The following C16orf96 variants were observed in gnomAD, a reference collection of about 807,000 sequenced individuals.
C16orf96 encodes uncharacterized protein C16orf96.
Under a neutral mutation model 103.6 loss-of-function variants are expected in C16orf96, and 108 were observed. The observed-to-expected ratio is 1.04, with a 90% CI of 0.89 to 1.22. The LOEUF is 1.22. C16orf96 is among the 50% of genes most tolerant of loss of function. The pLI, the probability that C16orf96 is intolerant of heterozygous loss-of-function variation, is 0.00. For missense variants in C16orf96, 1,586 were observed against 1,464.2 expected, an observed-to-expected ratio of 1.08 and a Z score of -1.36; for synonymous variants, 566 against 593.5, an observed-to-expected ratio of 0.95 and a Z score of 0.67.
chr16:4,559,117 C>T (rs191702672), intron 1 of C16orf96, among the ~76,000 whole-genome samples: 9 of 152,056 alleles, frequency 5.9e-5, no homozygotes, highest in Non-Finnish European at 1.2e-4. Context: ...GACTGCCTTC[C>T]TATCCCTGGA....
chr16:4,578,794 TA>T (rs982469278), intron 5 of C16orf96, 145 bp from the exon 6 acceptor site: 6 of 462,744 alleles, frequency 1.3e-5, no homozygotes, highest in African/African-American at 9.8e-5. Flanking sequence ...AAGAAATAAA[TA>T]AAAAGGTACC....
intron 1 of C16orf96, among the ~76,000 whole-genome samples, chr16:4,569,472 G>T (rs986603556): frequency 3.5e-4 from 53 of 151,898 alleles, no homozygotes; most frequent in African/African-American, 1.2e-3. Context: ...GCAAAGAGAG[G>T]CCTGGTGAGT....
In C16orf96 at chr16:4,599,187, G is replaced by A. The variant is rs576052199; in HGVS notation, c.3128-97G>A. ...ACCGGGGAGCCTGGGAAATGGGGTTGGTCCCACCAGAGGGAGACTGCCCAG... is the reference window on the plus strand; with the variant it reads ...ACCGGGGAGCCTGGGAAATGGGGTTAGTCCCACCAGAGGGAGACTGCCCAG... On this transcript the variant is annotated intron_variant, in intron 14 of 15. Coordinates refer to ENST00000444310, the MANE Select transcript of C16orf96 (RefSeq NM_001145011.2). 6 of 989,710 alleles carry A rather than the reference G, an allele frequency of 6.1e-6. No homozygotes were observed. In the East Asian group the frequency reaches 1.3e-4, roughly 22 times the overall value. 61.3% of individuals were successfully genotyped at this position (989,710 alleles called of 1,614,324 possible). A position where few individuals can be genotyped will look rare whatever the true frequency, so the allele number is the denominator to read the frequency against.
At chr16:4,567,137 C>T (rs138861456) in intron 1 of C16orf96, among the ~76,000 whole-genome samples, 1 of 152,174 alleles carries the variant, frequency 6.6e-6, no homozygotes, top group African/African-American at 2.4e-5. Flanking sequence ...TAGTCACTTA[C>T]AACAATAAGT....
At chr16:4,551,275 A>T in the C16orf96 span, among the ~76,000 whole-genome samples, 1 of 152,186 alleles carries the variant, frequency 6.6e-6, no homozygotes, top group Non-Finnish European at 1.5e-5. Flanking sequence ...CTCAAAAAAA[A>T]GAAGTGCCCA....
Position 4,556,391 on chromosome 16 carries a change from CT to C in C16orf96, c.-98del, listed in dbSNP as rs2059262444. 3 of 1,282,286 alleles carry C rather than the reference CT, an allele frequency of 2.3e-6. No individual in the cohort carries two copies. In the East Asian group the frequency reaches 7.7e-5, roughly 33 times the overall value. The allele number at this position is 1,282,286 out of a possible 1,614,324, so 79.4% of individuals were successfully genotyped here. A position where few individuals can be genotyped will look rare whatever the true frequency, so the allele number is the denominator to read the frequency against. On this transcript the variant is annotated 5_prime_UTR_variant, in exon 1 of 16. Transcript: ENST00000444310. ...GCTGTGACTCACCACCACCCCAGGC[CT>C]CTGAGGACCAGTCCATGTAGCTCTC...
intron 6 of C16orf96, among the ~76,000 whole-genome samples, chr16:4,579,460 G>A (rs1474354175): frequency 1.3e-5 from 2 of 151,214 alleles, no homozygotes; most frequent in Non-Finnish European, 2.9e-5. Context: ...AGGCTGAGGT[G>A]GGAGGATCAC....
chr16:4,547,689 C>CTTCCTTCCTTCCTTTCTTTCTTTCTTTCT, the C16orf96 span, among the ~76,000 whole-genome samples: 2 of 22,574 alleles, frequency 8.9e-5, no homozygotes, highest in African/African-American at 2.1e-4. Context: ...TCCTTCCTTC[C>CTTCCTTCCTTCCTTTCTTTCTTTCTTTCT]TTCTTTCTTT....
rs60726283 is a variant in C16orf96, at chr16:4,585,312, A to AG, written c.2353-1727_2353-1726insG. On this transcript the variant is annotated intron_variant, in intron 7 of 15. Transcript: ENST00000444310. ...TCTACAAAAAAAAAAAAAAAAAAAA[A>AG]TCCAGGTAGGTGGTGTCACCTGCAG... is the stretch of plus-strand genomic sequence containing the variant. Among the ~76,000 whole-genome samples, 1,080 of 109,894 alleles carry AG rather than the reference A, an allele frequency of 9.8e-3. 118 individuals are homozygous for AG. The highest frequency in any genetic ancestry group is 0.028 in the African/African-American group (795 of 28,822). 72.1% of individuals were successfully genotyped at this position (109,894 alleles called of 152,430 possible).
the C16orf96 span, among the ~76,000 whole-genome samples, chr16:4,550,049 C>A: frequency 2.0e-5 from 3 of 151,304 alleles, no homozygotes; most frequent in African/African-American, 7.3e-5. Flanking sequence ...GTTTCTGTAT[C>A]TTCTGTTATT....
rs1897115406 is a variant in C16orf96, at chr16:4,593,985, G to A, written c.2868-366G>A. Reference sequence around the variant, plus strand: ...GCTGTGGGGACGTCTGGCCAGGTGGGGGAAGAACCGGTGAATCGTCACCAC... The same window carrying A: ...GCTGTGGGGACGTCTGGCCAGGTGGAGGAAGAACCGGTGAATCGTCACCAC... On this transcript the variant is annotated intron_variant, in intron 12 of 15. Coordinates refer to ENST00000444310, the MANE Select transcript of C16orf96 (RefSeq NM_001145011.2). This position sits in a 1 kb window ranked among gnomAD's most constrained non-coding sequence, Gnocchi z 4.2. Among the ~76,000 whole-genome samples, 1 of 152,174 alleles carries A rather than the reference G, an allele frequency of 6.6e-6. No individual in the cohort carries two copies. Among genetic ancestry groups the A allele is most frequent in the Admixed American group, 6.5e-5 (1 of 15,276 alleles).
chr16:4,591,616 G>A (rs757455046), intron 9 of C16orf96, 50 bp from the exon 10 acceptor site: 118 of 1,427,472 alleles, frequency 8.3e-5, no homozygotes, highest in African/African-American at 7.1e-4. Context: ...AGGAGGCAGG[G>A]TGTGAATTCA....
At chr16:4,577,218 C>T (rs896126658) in intron 5 of C16orf96, among the ~76,000 whole-genome samples, 1 of 151,950 alleles carries the variant, frequency 6.6e-6, no homozygotes, top group Admixed American at 6.6e-5. Flanking sequence ...AAAAAAACTC[C>T]TTTGTGATAG....
rs1422778638 is a variant in C16orf96 at position 4,574,750 on chromosome 16, A to C, written c.567A>C (p.Lys189Asn). ...TGGACATCTTTGCTGAAGACTTCAAAATACAGAACTGGAAGATGGTTGCAC... is the reference window on the plus strand; with the variant it reads ...TGGACATCTTTGCTGAAGACTTCAACATACAGAACTGGAAGATGGTTGCAC... ...ERMDIFAEDF[K>N]IQNWKMVALQ... Residue 189 changes from lysine (K) to asparagine (N), a missense_variant, in exon 3 of 16, where the codon AAA (lysine) becomes AAC (asparagine). Lys to Asn is a moderately conservative substitution (Grantham distance 94). Coordinates refer to ENST00000444310, the MANE Select transcript of C16orf96 (RefSeq NM_001145011.2). 6.4e-7 allele frequency: 1 copy of C among 1,551,888 alleles called. No homozygotes were observed. The highest frequency in any genetic ancestry group is 1.4e-5 in the African/African-American group (1 of 73,162).
Position 4,591,687 on chromosome 16 carries a change from C to A in C16orf96, c.2614C>A (p.Pro872Thr), listed in dbSNP as rs1322712222. Residue 872 changes from proline (P) to threonine (T), a missense_variant, in exon 10 of 16, where the codon CCC becomes ACC. Physicochemically the swap from Pro to Thr is conservative, Grantham distance 38. Transcript: ENST00000444310. Reference sequence around the variant, plus strand: ...GCAGTTAGTCCACAGTGATCTGGATCCCTTGAAGAAAGAAATGGAAGAGGT... The same window carrying A: ...GCAGTTAGTCCACAGTGATCTGGATACCTTGAAGAAAGAAATGGAAGAGGT... ...NTKLVHSDLD[P>T]LKKEMEEVWK... 6 of 1,551,548 alleles carry A rather than the reference C, an allele frequency of 3.9e-6. No individual in the cohort carries two copies. The highest frequency in any genetic ancestry group is 5.2e-6 in the Non-Finnish European group (6 of 1,146,900).
At chr16:4,572,706 A>T (rs1253548119) in intron 2 of C16orf96, among the ~76,000 whole-genome samples, 1 of 152,146 alleles carries the variant, frequency 6.6e-6, no homozygotes, top group Non-Finnish European at 1.5e-5. Context: ...AACCTAGCAA[A>T]AAGAAAACCT....
In C16orf96 at chr16:4,600,531, G is replaced by A. The variant is rs1897263081; in HGVS notation, c.*214G>A. On this transcript the variant is annotated 3_prime_UTR_variant, in exon 16 of 16. Transcript: ENST00000444310. ...CCAAGTCCCCTCCACGTCCGAGGCT[G>A]AGACCCATATGCCCCCCCCACCCCC... The A allele has an allele frequency of 8.5e-6, 4 of 468,296 alleles. No individual in the cohort carries two copies. In the Admixed American group the frequency reaches 1.5e-4, roughly 18 times the overall value. The allele number at this position is 468,296 out of a possible 1,614,324, so 29.0% of individuals were successfully genotyped here. A position where few individuals can be genotyped will look rare whatever the true frequency, so the allele number is the denominator to read the frequency against.
chr16:4,600,488 C>CT lies in C16orf96; in HGVS notation c.*171_*172insT. 2.4e-6 allele frequency: 1 copy of CT among 419,490 alleles called. No homozygotes were observed. Among genetic ancestry groups the CT allele is most frequent in the Non-Finnish European group, 4.2e-6 (1 of 236,856 alleles). 26.0% of individuals were successfully genotyped at this position (419,490 alleles called of 1,614,324 possible). A position where few individuals can be genotyped will look rare whatever the true frequency, so the allele number is the denominator to read the frequency against. ...TCCATGTCCGAGGCTGAGGCTCATG[C>CT]GCCCCCCCCCATCCCTACCAAGTCC... On this transcript the variant is annotated 3_prime_UTR_variant, in exon 16 of 16. Transcript: ENST00000444310.
chr16:4,594,220 G>C, intron 12 of C16orf96, 131 bp from the exon 13 acceptor site: 1 of 1,078,370 alleles, frequency 9.3e-7, no homozygotes, highest in Non-Finnish European at 1.3e-6. Context: ...AGGCCTGCCT[G>C]GCTGTGCCAG....
Sources: allele counts gnomAD v4.1 joint callset (sites outside exome capture counted in the v4.1 genomes callset), GRCh38; gene constraint gnomAD v4.1.1; non-coding constraint Gnocchi (gnomAD v3.1); transcripts MANE v1.5; gene names NCBI Gene and HGNC (gene_info 2026-07-23, HGNC 2026-07-21).